The following OTOG variants were observed in gnomAD, a reference collection of about 807,000 sequenced individuals.
OTOG encodes otogelin.
A neutral mutation model predicts 313.8 loss-of-function variants in OTOG; 296 were observed. The observed-to-expected ratio is 0.94, with a 90% confidence interval of 0.86 to 1.04. The LOEUF (loss-of-function observed/expected upper bound fraction) is 1.04, where lower values mean the gene tolerates loss of function less well. Among genes scored for constraint, OTOG ranks in the 50% least tolerant of loss-of-function variants. The pLI, the probability that OTOG is intolerant of heterozygous loss-of-function variation, is 0.00. For missense variants in OTOG, 3,948 were observed against 3,840.1 expected, an observed-to-expected ratio of 1.03 and a Z score of -0.74; for synonymous variants, 1,533 against 1,554.9, an observed-to-expected ratio of 0.99 and a Z score of 0.33.
chr11:17,643,627 G>A (rs1848017855), intron 54 of OTOG, 121 bp downstream of exon 54: 2 of 666,636 alleles, frequency 3.0e-6, no homozygotes, highest in South Asian at 7.7e-5. Context: ...CTTCTGGGCT[G>A]AGTAGATGAA....
At chr11:17,606,922 C>CCATGATGACAAGACTTGCT (rs1217671200) in intron 33 of OTOG, among the ~76,000 whole-genome samples, 2 of 152,202 alleles carry the variant, frequency 1.3e-5, no homozygotes, top group African/African-American at 2.4e-5. Flanking sequence ...TTATCACTGG[C>CCATGATGACAAGACTTGCT]CATGATGACA....
At chr11:17,594,465 T>C (rs1264772974) in intron 28 of OTOG, among the ~76,000 whole-genome samples, 1 of 152,122 alleles carries the variant, frequency 6.6e-6, no homozygotes, top group Non-Finnish European at 1.5e-5. Context: ...TGATGATGCT[T>C]CCCAGTGCCT....
At chr11:17,583,361 T>G (rs1056978881) in intron 23 of OTOG, among the ~76,000 whole-genome samples, 20 of 152,158 alleles carry the variant, frequency 1.3e-4, no homozygotes, top group Admixed American at 9.2e-4. Flanking sequence ...GATCTTGAAC[T>G]CCTGGCCTCA....
In OTOG at chr11:17,557,341, G is replaced by A. The variant is rs1484775474; in HGVS notation, c.865+18G>A. The A allele has an allele frequency of 6.5e-7, 1 of 1,549,642 alleles. No homozygotes were observed. The highest frequency in any genetic ancestry group is 1.2e-5 in the South Asian group (1 of 84,002). On this transcript the variant is annotated intron_variant, in intron 8 of 55. Coordinates refer to ENST00000399397, the MANE Select transcript of OTOG (RefSeq NM_001292063.2). ...CAGCTCTGGTGAGGGTCAGACAGGTGGCCTCTGAGGGGTGTTGGTGGGGAT... is the reference window on the plus strand; with the variant it reads ...CAGCTCTGGTGAGGGTCAGACAGGTAGCCTCTGAGGGGTGTTGGTGGGGAT...
chr11:17,548,936 C>T (rs1192264662), intron 3 of OTOG, among the ~76,000 whole-genome samples: 1 of 152,102 alleles, frequency 6.6e-6, no homozygotes, highest in African/African-American at 2.4e-5. Flanking sequence ...CCAGGCTGGT[C>T]TTGAACTCCT....
At chr11:17,596,263 G>T in intron 29 of OTOG, 109 bp downstream of exon 29, 1 of 802,440 alleles carries the variant, frequency 1.2e-6, no homozygotes, top group Non-Finnish European at 2.1e-6. Flanking sequence ...CAGATCTCCA[G>T]GGAAGATCTG....
rs56236649 is a variant in OTOG, at chr11:17,633,816, C to A, written c.7209C>A (p.Ser2403=). 3 of 1,550,180 alleles carry A rather than the reference C, an allele frequency of 1.9e-6. No individual in the cohort carries two copies. The South Asian group carries it at 3.6e-5, about 18-fold the overall frequency. ...CQVLGEGCVC[S]EGTILHRRHS... Reference sequence around the variant, plus strand: ...TGCTGGGCGAGGGCTGCGTCTGCTCCGAGGGCACCATCTTACACCGGCGCC... The same window carrying A: ...TGCTGGGCGAGGGCTGCGTCTGCTCAGAGGGCACCATCTTACACCGGCGCC... The change falls in exon 43 of 56, where the codon TCC becomes TCA. Residue 2403 remains serine (S), a synonymous_variant. Transcript: ENST00000399397.
chr11:17,562,069 A>G lies in OTOG; in HGVS notation c.1644+262A>G, dbSNP rs1489120697. 5.8e-5 allele frequency among the ~76,000 whole-genome samples: 8 copies of G among 138,882 alleles called. 1 individual carries two copies. The highest frequency in any genetic ancestry group is 2.3e-4 in the South Asian group (1 of 4,430). The allele number at this position is 138,882 out of a possible 152,430, so 91.1% of individuals were successfully genotyped here. The stretch of plus-strand genomic sequence containing the variant: ...AAAATATATATATATATATATATAT[A>G]TATGTATGTATATGAAAGTGTAACA... On this transcript the variant is annotated intron_variant, in intron 15 of 55. Coordinates refer to ENST00000399397, the MANE Select transcript of OTOG (RefSeq NM_001292063.2).
At chr11:17,634,775 T>C in intron 44 of OTOG, 69 bp from the exon 45 acceptor site, 1 of 1,339,566 alleles carries the variant, frequency 7.5e-7, no homozygotes, top group Non-Finnish European at 1.0e-6. Context: ...AGTTGTCCAG[T>C]GTTCTCCACT....
chr11:17,590,210 T>C (rs1000288211), intron 24 of OTOG, among the ~76,000 whole-genome samples: 1 of 152,192 alleles, frequency 6.6e-6, no homozygotes, highest in East Asian at 1.9e-4. Flanking sequence ...GACATCACCA[T>C]ACGTATGTCT....
chr11:17,576,688 A>C (rs1852535277), intron 21 of OTOG, 58 bp downstream of exon 21: 3 of 1,488,394 alleles, frequency 2.0e-6, no homozygotes, highest in African/African-American at 1.4e-5. Flanking sequence ...CTGCTGACTG[A>C]AGACAGTGCA....
At chr11:17,604,334 G>T (rs1853329454) in intron 32 of OTOG, among the ~76,000 whole-genome samples, 1 of 152,234 alleles carries the variant, frequency 6.6e-6, no homozygotes, top group Non-Finnish European at 1.5e-5. Flanking sequence ...CTTGAAGGAG[G>T]AAGCCAAGGC....
At chr11:17,567,192 C>T (rs551185383) in intron 15 of OTOG, among the ~76,000 whole-genome samples, 1 of 152,244 alleles carries the variant, frequency 6.6e-6, no homozygotes, top group African/African-American at 2.4e-5. Flanking sequence ...GGCTTTATTC[C>T]CACACAGGTG....
At chr11:17,622,509 C>A (rs926238214) in intron 39 of OTOG, among the ~76,000 whole-genome samples, 6 of 152,092 alleles carry the variant, frequency 3.9e-5, no homozygotes, top group African/African-American at 1.4e-4. Context: ...ATTAATCATT[C>A]CCATCTCTTC....
At chr11:17,564,315 C>T (rs1852254655) in intron 15 of OTOG, among the ~76,000 whole-genome samples, 1 of 152,148 alleles carries the variant, frequency 6.6e-6, no homozygotes, top group Non-Finnish European at 1.5e-5. Context: ...CAGGGGAGTT[C>T]TGTGGAAGAA....
Position 17,641,932 on chromosome 11 carries a change from G to T in OTOG, c.8276G>T (p.Gly2759Val), listed in dbSNP as rs760359485. 1 of 1,550,240 alleles carries T rather than the reference G, an allele frequency of 6.5e-7. No individual in the cohort carries two copies. The highest frequency in any genetic ancestry group is 1.2e-5 in the South Asian group (1 of 84,026). Residue 2759 changes from glycine to valine, a missense_variant, in exon 52 of 56, where the codon GGC becomes GTC. Physicochemically the swap from Gly to Val is moderately radical, Grantham distance 109. Coordinates refer to ENST00000399397, the MANE Select transcript of OTOG (RefSeq NM_001292063.2). The part of the protein sequence containing the change: ...NVSCLFTFPN[G>V]TTSLFLPGAS... The stretch of plus-strand genomic sequence containing the variant: ...TCCTGTCTCTTCACCTTCCCCAATG[G>T]CACCACCTCCCTGTTCTTGGTAAGC...
intron 6 of OTOG, among the ~76,000 whole-genome samples, chr11:17,555,034 G>A (rs929406840): frequency 6.6e-6 from 1 of 152,210 alleles, no homozygotes; most frequent in African/African-American, 2.4e-5. Flanking sequence ...TAGTTGAAGT[G>A]GCTCCAGCCT....
At chr11:17,547,495 G>C in intron 1 of OTOG, 29 bp downstream of exon 1, 1 of 1,327,854 alleles carries the variant, frequency 7.5e-7, no homozygotes, top group Non-Finnish European at 9.6e-7. Context: ...CAGGGAGGTC[G>C]GGGGCTCGAG....
chr11:17,637,228 CT>C (rs1235670163), intron 47 of OTOG, among the ~76,000 whole-genome samples: 2 of 151,736 alleles, frequency 1.3e-5, no homozygotes, highest in African/African-American at 2.4e-5. Context: ...TGGACATACT[CT>C]TTTTTTTTAA....
Sources: allele counts gnomAD v4.1 joint callset (sites outside exome capture counted in the v4.1 genomes callset), GRCh38; gene constraint gnomAD v4.1.1; transcripts MANE v1.5; gene names NCBI Gene and HGNC (gene_info 2026-07-23, HGNC 2026-07-21).